FRMD5: variants seen among roughly 807,000 people sequenced by gnomAD.
FRMD5 encodes the protein FERM domain-containing protein 5.
In FRMD5, 20 loss-of-function variants were observed where a neutral mutation model predicts 69.0. The observed-to-expected ratio is 0.29, with a 90% confidence interval of 0.20 to 0.42. The LOEUF (loss-of-function observed/expected upper bound fraction) is 0.42, where lower values mean the gene tolerates loss of function less well. FRMD5 is among the 10% of genes least tolerant of loss of function. FRMD5 has a pLI of 1.00. For synonymous variants in FRMD5, 271 were observed against 260.1 expected (o/e 1.04, Z -0.40); for missense variants, 595 against 708.6 (o/e 0.84, Z 1.82).
intron 1 of FRMD5, among the ~76,000 whole-genome samples, chr15:43,967,125 A>T (rs1287844521): frequency 6.6e-6 from 1 of 152,102 alleles, no homozygotes; most frequent in Non-Finnish European, 1.5e-5. Flanking sequence ...AGTTCAATTA[A>T]AAATTATTTG....
chr15:43,960,699 T>C (rs2090185083), intron 1 of FRMD5, among the ~76,000 whole-genome samples: 1 of 152,222 alleles, frequency 6.6e-6, no homozygotes, highest in Non-Finnish European at 1.5e-5. Context: ...TGATTATTTT[T>C]TAAAAATGAG....
chr15:44,169,689 C>T (rs1283023578), intron 1 of FRMD5, among the ~76,000 whole-genome samples: 1 of 152,094 alleles, frequency 6.6e-6, no homozygotes, highest in East Asian at 1.9e-4. Context: ...AATATGTGAG[C>T]TCCAATATGA....
intron 1 of FRMD5, among the ~76,000 whole-genome samples, chr15:44,134,716 C>T (rs1439922543): frequency 6.6e-6 from 1 of 152,214 alleles, no homozygotes; most frequent in African/African-American, 2.4e-5. Flanking sequence ...TCTCAAAGTG[C>T]TGGGATTACA....
chr15:44,111,691 G>GA (rs2076798159), intron 1 of FRMD5, among the ~76,000 whole-genome samples: 1 of 152,144 alleles, frequency 6.6e-6, no homozygotes, highest in Non-Finnish European at 1.5e-5. Context: ...CTCTGCAAAA[G>GA]AAATAGATGC....
chr15:44,154,002 ATTAATT>A (rs959734116), intron 1 of FRMD5, among the ~76,000 whole-genome samples: 7 of 152,160 alleles, frequency 4.6e-5, no homozygotes, highest in African/African-American at 9.7e-5. Context: ...TTTACATTAT[ATTAATT>A]TTAAGTACAA....
chr15:43,927,123 G>A (rs978345105), intron 1 of FRMD5, among the ~76,000 whole-genome samples: 3 of 152,038 alleles, frequency 2.0e-5, no homozygotes, highest in African/African-American at 7.3e-5. Context: ...TTTCTTGAAT[G>A]TGTACTTTGC....
At chr15:43,916,748 T>C (rs1200365441) in intron 4 of FRMD5, among the ~76,000 whole-genome samples, 3 of 152,058 alleles carry the variant, frequency 2.0e-5, no homozygotes, top group Admixed American at 2.0e-4. Context: ...TCCATTCATG[T>C]AAGATAGTGA....
intron 1 of FRMD5, among the ~76,000 whole-genome samples, chr15:44,103,250 G>A (rs184252851): frequency 6.6e-6 from 1 of 152,226 alleles, no homozygotes; most frequent in African/African-American, 2.4e-5. Flanking sequence ...AGTATAGAAG[G>A]AGCTCTGTCA....
intron 1 of FRMD5, among the ~76,000 whole-genome samples, chr15:43,941,817 G>T (rs897841540): frequency 6.6e-6 from 1 of 152,116 alleles, no homozygotes; most frequent in African/African-American, 2.4e-5. Context: ...TTGTATACTG[G>T]TGATCATTTT....
intron 1 of FRMD5, among the ~76,000 whole-genome samples, chr15:44,183,780 G>C (rs954069280): frequency 4.6e-5 from 7 of 152,044 alleles, no homozygotes; most frequent in African/African-American, 7.2e-5. Context: ...TCAGGAGTTC[G>C]AGATCAGCCT....
Position 44,194,620 on chromosome 15 carries a change from C to T in FRMD5, c.102+333G>A, listed in dbSNP as rs948835389. 55 of 390,182 alleles carry T rather than the reference C, an allele frequency of 1.4e-4. No individual in the cohort carries two copies. In the East Asian group the frequency reaches 3.2e-3, roughly 23 times the overall value. The allele number at this position is 390,182 out of a possible 1,614,324, so 24.2% of individuals were successfully genotyped here. On this transcript the variant is annotated intron_variant, in intron 1 of 13. Transcript: ENST00000417257. ...GGCTAGGAGCCTACCGCCCTACCCG[C>T]CTCCCTCCGGGCGCCCCGGAAAGGT...
intron 12 of FRMD5, among the ~76,000 whole-genome samples, chr15:43,884,315 ACACAATT>A (rs1354347687): frequency 6.6e-6 from 1 of 152,152 alleles, no homozygotes; most frequent in African/African-American, 2.4e-5. Flanking sequence ...GCTTCTGGAA[ACACAATT>A]TGTGGATCTA....
chr15:44,181,916 ACAAAT>A (rs1445245481), intron 1 of FRMD5, among the ~76,000 whole-genome samples: 2 of 152,030 alleles, frequency 1.3e-5, no homozygotes, highest in African/African-American at 4.8e-5. Context: ...ACAAAACAAA[ACAAAT>A]AATATCACCA....
intron 1 of FRMD5, among the ~76,000 whole-genome samples, chr15:44,085,598 G>A (rs1458862531): frequency 6.6e-6 from 1 of 152,080 alleles, no homozygotes; most frequent in Non-Finnish European, 1.5e-5. Context: ...AGCCAAAGAG[G>A]GGTATCTCAA....
At chr15:43,990,758 C>CTAAAAAAACTGGCCA (rs1476622970) in intron 1 of FRMD5, among the ~76,000 whole-genome samples, 82 of 152,200 alleles carry the variant, frequency 5.4e-4, no homozygotes, top group African/African-American at 2.0e-3. Context: ...AGGTAAGAGA[C>CTAAAAAAACTGGCCA]TAAAAAAACT....
At chr15:44,003,398 A>T (rs1236751774) in intron 1 of FRMD5, among the ~76,000 whole-genome samples, 1 of 152,142 alleles carries the variant, frequency 6.6e-6, no homozygotes, top group Non-Finnish European at 1.5e-5. Context: ...CACTCCTCTT[A>T]ACATTCCAAT....
chr15:44,121,349 C>A (rs987426611), intron 1 of FRMD5, among the ~76,000 whole-genome samples: 2 of 151,662 alleles, frequency 1.3e-5, no homozygotes, highest in Admixed American at 6.6e-5. Context: ...AGCAAGATAT[C>A]CTTCAAGGAG....
intron 1 of FRMD5, among the ~76,000 whole-genome samples, chr15:43,933,267 A>G (rs1464074239): frequency 6.6e-6 from 1 of 152,192 alleles, no homozygotes; most frequent in African/African-American, 2.4e-5. Context: ...GCAAGATAGG[A>G]GGCAGACAGC....
intron 1 of FRMD5, among the ~76,000 whole-genome samples, chr15:44,084,546 A>G (rs1403908279): frequency 6.6e-6 from 1 of 152,072 alleles, no homozygotes; most frequent in Admixed American, 6.6e-5. Flanking sequence ...TCTCCTTGCA[A>G]CTTCCTGGTT....
Sources: gnomAD v4.1 joint callset for allele counts (sites outside exome capture counted in the v4.1 genomes callset) on GRCh38, gnomAD v4.1.1 for gene constraint, MANE v1.5 for transcripts, NCBI Gene and HGNC (gene_info 2026-07-23, HGNC 2026-07-21) for gene names.